FBXO31: variants seen among roughly 807,000 people sequenced by gnomAD.
FBXO31 encodes the protein F-box protein 31.
FBXO31 carries 24 observed loss-of-function variants against 54.4 expected under a neutral mutation model. The ratio of observed to expected loss-of-function variants is 0.44; its 90% CI spans 0.32 to 0.62. The LOEUF (loss-of-function observed/expected upper bound fraction) is 0.62. Among genes scored for constraint, FBXO31 ranks in the 20% least tolerant of loss-of-function variants. The pLI, the probability that FBXO31 is intolerant of heterozygous loss-of-function variation, is 0.05. For missense variants in FBXO31, 665 were observed against 787.1 expected, an observed-to-expected ratio of 0.84 and a Z score of 1.86; for synonymous variants, 388 against 335.6, an observed-to-expected ratio of 1.16 and a Z score of -1.71.
chr16:87,354,435 C>T (rs1207231331), intron 2 of FBXO31, among the ~76,000 whole-genome samples: 1 of 151,808 alleles, frequency 6.6e-6, no homozygotes, highest in Non-Finnish European at 1.5e-5. Flanking sequence ...CGCGCCAGTA[C>T]TCCAGCCTGG....
At chr16:87,343,988 G>A (rs555189149) in intron 3 of FBXO31, among the ~76,000 whole-genome samples, 11 of 152,388 alleles carry the variant, frequency 7.2e-5, no homozygotes, top group African/African-American at 2.6e-4. Context: ...AAAGTGACAC[G>A]GGGTGAGGTG....
intron 5 of FBXO31, among the ~76,000 whole-genome samples, chr16:87,341,387 G>A (rs1298246854): frequency 1.3e-5 from 2 of 152,154 alleles, no homozygotes; most frequent in Admixed American, 6.5e-5. Flanking sequence ...CAGGAGCAGT[G>A]GCTCACACCT....
At chr16:87,337,307 G>A (rs79062829) in intron 5 of FBXO31, among the ~76,000 whole-genome samples, 1 of 152,208 alleles carries the variant, frequency 6.6e-6, no homozygotes, top group Non-Finnish European at 1.5e-5. Context: ...GGTACACAGA[G>A]ATGCCACGTG....
chr16:87,349,910 A>C (rs2039354659), intron 2 of FBXO31, among the ~76,000 whole-genome samples: 1 of 68,968 alleles, frequency 1.4e-5, no homozygotes, highest in Non-Finnish European at 6.4e-5. Context: ...CCCTATCTCA[A>C]AAAAAAAAAA....
At chr16:87,380,225 G>A (rs376515653) in intron 1 of FBXO31, among the ~76,000 whole-genome samples, 24 of 142,314 alleles carry the variant, frequency 1.7e-4, no homozygotes, top group African/African-American at 6.0e-4. Context: ...TTGAACTCAG[G>A]AGGCAGAGGC....
intron 2 of FBXO31, among the ~76,000 whole-genome samples, chr16:87,351,865 T>G (rs1567620273): frequency 6.6e-6 from 1 of 151,986 alleles, no homozygotes; most frequent in African/African-American, 2.4e-5. Flanking sequence ...CGAGACTCTG[T>G]CTCAACAACA....
At chr16:87,365,260 G>C (rs897366350) in intron 1 of FBXO31, among the ~76,000 whole-genome samples, 1 of 151,314 alleles carries the variant, frequency 6.6e-6, no homozygotes, top group Admixed American at 6.6e-5. Flanking sequence ...AGCAGGGGCA[G>C]CGAGCTCCCT....
Position 87,358,781 on chromosome 16 carries a change from C to A in FBXO31, c.412+1514G>T, listed in dbSNP as rs1410520597. Among the ~76,000 whole-genome samples, 1 of 152,208 alleles carries A rather than the reference C, an allele frequency of 6.6e-6. No individual in the cohort carries two copies. Among genetic ancestry groups the A allele is most frequent in the Non-Finnish European group, 1.5e-5 (1 of 68,040 alleles). On this transcript the variant is annotated intron_variant, in intron 2 of 8. Transcript: ENST00000311635. This position sits in a 1 kb window ranked among gnomAD's most constrained non-coding sequence, Gnocchi z 4.0. The stretch of plus-strand genomic sequence containing the variant: ...ACACTCCTCCCGGGGCCAGCACACT[C>A]CCGGCAGGCCCCAGGCCACAGCTCA...
At chr16:87,367,701 T>C (rs1906427469) in intron 1 of FBXO31, 1 of 152,250 alleles carries the variant, frequency 6.6e-6, no homozygotes, top group African/African-American at 2.4e-5. Context: ...GCTTCTCCTC[T>C]GACGCATTTT....
chr16:87,350,366 G>A (rs956998723), intron 2 of FBXO31, among the ~76,000 whole-genome samples: 1 of 152,190 alleles, frequency 6.6e-6, no homozygotes, highest in Non-Finnish European at 1.5e-5. Context: ...TCCTAAATGA[G>A]CCCCGGCTGT....
intron 2 of FBXO31, among the ~76,000 whole-genome samples, chr16:87,356,057 T>C (rs1905876011): frequency 6.6e-6 from 1 of 151,946 alleles, no homozygotes. Context: ...GGTGAAACCC[T>C]GTCTCTACTA....
At position 87,327,135 on chromosome 16, in the gene FBXO31, TG is replaced by T. The variant is rs1904672571; in HGVS notation, c.*4152del. 1 of 152,450 alleles carries T rather than the reference TG, an allele frequency of 6.6e-6. No homozygotes were observed. Among genetic ancestry groups the T allele is most frequent in the Non-Finnish European group, 1.5e-5 (1 of 68,216 alleles). The allele number at this position is 152,450 out of a possible 1,614,324, so 9.4% of individuals were successfully genotyped here. A position where few individuals can be genotyped will look rare whatever the true frequency, so the allele number is the denominator to read the frequency against. On this transcript the variant is annotated 3_prime_UTR_variant, in exon 9 of 9. Transcript: ENST00000311635. ...GCTGCAAGGTCACCTTACCAGGGGG[TG>T]CAGAGGTGCTCATGATCAGATGGCA...
intron 2 of FBXO31, among the ~76,000 whole-genome samples, chr16:87,354,131 T>C (rs1472975799): frequency 6.6e-6 from 1 of 152,266 alleles, no homozygotes; most frequent in Non-Finnish European, 1.5e-5. Flanking sequence ...TCATTGTTAA[T>C]ATCTGAGTAA....
rs766491669 is a variant in FBXO31, at chr16:87,335,424, C to T, written c.876G>A (p.Pro292=). Residue 292 remains proline (P), a synonymous_variant, in exon 7 of 9, where the codon CCG becomes CCA. Transcript: ENST00000311635. The surrounding 1 kb of genome is among the most constrained non-coding windows in gnomAD (Gnocchi z 5.7). ...NCLTYRRIYL[P]PSRPDDLIKP... ...TGATGAGGTCGTCGGGGCGGCTGGG[C>T]GGCAGGTAGATGCGGCGGTAGGTCA... 18 of 1,613,438 alleles carry T rather than the reference C, an allele frequency of 1.1e-5. No homozygotes were observed. The highest frequency in any genetic ancestry group is 8.0e-5 in the African/African-American group (6 of 75,028).
intron 2 of FBXO31, among the ~76,000 whole-genome samples, chr16:87,350,963 G>A (rs546953003): frequency 1.3e-4 from 20 of 152,326 alleles, no homozygotes; most frequent in East Asian, 9.6e-4. Flanking sequence ...TGGTCAAAGC[G>A]ACAACACCTT....
At chr16:87,351,261 A>G (rs938459390) in intron 2 of FBXO31, among the ~76,000 whole-genome samples, 1 of 152,242 alleles carries the variant, frequency 6.6e-6, no homozygotes, top group Admixed American at 6.5e-5. Context: ...CTCCCATTCA[A>G]ACGGTCAAGA....
At position 87,334,167 on chromosome 16, in the gene FBXO31, C is replaced by T; in HGVS notation, c.1116G>A (p.Glu372=). 1 of 1,612,948 alleles carries T rather than the reference C, an allele frequency of 6.2e-7. No individual in the cohort carries two copies. Among genetic ancestry groups the T allele is most frequent in the Non-Finnish European group, 8.5e-7 (1 of 1,179,844 alleles). The part of the protein sequence containing the change: ...NFNELSRIVL[E]VRERVRQEQQ... Reference sequence around the variant, plus strand: ...GCTCCTGGCGCACCCTCTCGCGCACCTCCAGGACGATGCGGGAGAGCTCAT... The same window carrying T: ...GCTCCTGGCGCACCCTCTCGCGCACTTCCAGGACGATGCGGGAGAGCTCAT... The change falls in exon 8 of 9, where the codon GAG becomes GAA. Residue 372 remains glutamate (E), a synonymous_variant. Transcript: ENST00000311635.
At chr16:87,378,169 A>G (rs1317882729) in intron 1 of FBXO31, among the ~76,000 whole-genome samples, 2 of 152,042 alleles carry the variant, frequency 1.3e-5, no homozygotes, top group East Asian at 1.9e-4. Context: ...CAAAAAAAAA[A>G]ACAAAACAAA....
rs757858283 is a variant in FBXO31 at position 87,358,097 on chromosome 16, C to G, written c.412+2198G>C. On this transcript the variant is annotated intron_variant, in intron 2 of 8. Coordinates refer to ENST00000311635, the MANE Select transcript of FBXO31 (RefSeq NM_024735.5). This position sits in a 1 kb window ranked among gnomAD's most constrained non-coding sequence, Gnocchi z 4.0. Reference sequence around the variant, plus strand: ...AAGCTTCTACTCTGTTCGTTCCTCTCTGTGTCTGCAGTAGCTCCTCAATAA... The same window carrying G: ...AAGCTTCTACTCTGTTCGTTCCTCTGTGTGTCTGCAGTAGCTCCTCAATAA... Among the ~76,000 whole-genome samples, 2 of 152,238 alleles carry G rather than the reference C, an allele frequency of 1.3e-5. No homozygotes were observed. The highest frequency in any genetic ancestry group is 2.9e-5 in the Non-Finnish European group (2 of 68,052).
Sources: gnomAD v4.1 joint callset for allele counts (sites outside exome capture counted in the v4.1 genomes callset) on GRCh38, gnomAD v4.1.1 for gene constraint, Gnocchi (gnomAD v3.1) non-coding constraint, MANE v1.5 for transcripts, NCBI Gene and HGNC (gene_info 2026-07-23, HGNC 2026-07-21) for gene names.